The following CTNND2 variants were observed in gnomAD, a reference collection of about 807,000 sequenced individuals.
CTNND2 encodes the protein catenin delta-2.
CTNND2 carries 22 observed loss-of-function variants against 144.4 expected under a neutral mutation model. That is an observed-to-expected ratio of 0.15 (90% CI 0.11 to 0.22). The LOEUF is 0.22. Ranked by LOEUF, CTNND2 falls within the 10% of genes least tolerant of loss-of-function variation. The pLI, the probability that CTNND2 is intolerant of heterozygous loss-of-function variation, is 1.00. For synonymous variants in CTNND2, 751 were observed against 695.6 expected (o/e 1.08, Z -1.25); for missense variants, 1,353 against 1,618.8 (o/e 0.84, Z 2.82).
intron 3 of CTNND2, among the ~76,000 whole-genome samples, chr5:11,521,907 C>T (rs1458371977): frequency 1.3e-5 from 2 of 152,152 alleles, no homozygotes; most frequent in Admixed American, 1.3e-4. Context: ...AATTTATAAC[C>T]TCTCCTTTCT....
chr5:11,649,874 CATT>C (rs1202485285), intron 2 of CTNND2, among the ~76,000 whole-genome samples: 4 of 152,096 alleles, frequency 2.6e-5, no homozygotes, highest in Admixed American at 6.6e-5. Context: ...ATGACTTTGG[CATT>C]ATTATTATTT....
At chr5:11,453,778 C>CT (rs201563165) in intron 3 of CTNND2, among the ~76,000 whole-genome samples, 1,993 of 149,180 alleles carry the variant, frequency 0.013, 40 homozygotes, top group African/African-American at 0.044. Flanking sequence ...ACATGAATCT[C>CT]TTTTTTTTTT....
chr5:11,448,918 G>A (rs1336190287), intron 3 of CTNND2, among the ~76,000 whole-genome samples: 4 of 151,668 alleles, frequency 2.6e-5, no homozygotes, highest in African/African-American at 9.7e-5. Flanking sequence ...GTCCAGGCTC[G>A]TCTTGAATTC....
chr5:10,994,916 G>A (rs1295892610), intron 18 of CTNND2, among the ~76,000 whole-genome samples: 1 of 152,128 alleles, frequency 6.6e-6, no homozygotes, highest in Non-Finnish European at 1.5e-5. Flanking sequence ...CATGGCTATT[G>A]GTGTGGGAAA....
At chr5:11,049,167 G>A (rs1388908064) in intron 16 of CTNND2, among the ~76,000 whole-genome samples, 2 of 152,144 alleles carry the variant, frequency 1.3e-5, no homozygotes, top group Non-Finnish European at 2.9e-5. Context: ...GCATTTCAAG[G>A]AGCTAAAGGG....
chr5:11,234,151 G>A (rs1354914326), intron 10 of CTNND2, among the ~76,000 whole-genome samples: 1 of 151,910 alleles, frequency 6.6e-6, no homozygotes, highest in Non-Finnish European at 1.5e-5. Flanking sequence ...ATAAACAGAA[G>A]CACACATATG....
intron 16 of CTNND2, among the ~76,000 whole-genome samples, chr5:11,028,425 T>C (rs567895990): frequency 1.1e-4 from 16 of 152,324 alleles, no homozygotes; most frequent in Non-Finnish European, 1.3e-4. Flanking sequence ...TTTAAGTATA[T>C]AGTTCATTGA....
chr5:11,741,545 A>G (rs1788007185), intron 1 of CTNND2, among the ~76,000 whole-genome samples: 2 of 151,890 alleles, frequency 1.3e-5, no homozygotes, highest in African/African-American at 4.8e-5. Flanking sequence ...AGGGCTGGGA[A>G]CATCAACACA....
At chr5:11,608,175 G>T (rs1780152248) in intron 2 of CTNND2, among the ~76,000 whole-genome samples, 2 of 152,256 alleles carry the variant, frequency 1.3e-5, no homozygotes, top group African/African-American at 4.8e-5. Flanking sequence ...GAAACACTAT[G>T]ATTCATAGAA....
intron 8 of CTNND2, among the ~76,000 whole-genome samples, chr5:11,356,122 C>T (rs1755844004): frequency 1.3e-5 from 2 of 152,142 alleles, no homozygotes; most frequent in East Asian, 1.9e-4. Context: ...CCACACTACA[C>T]AAAGTGATCT....
intron 1 of CTNND2, among the ~76,000 whole-genome samples, chr5:11,796,147 G>A (rs1791388656): frequency 6.6e-6 from 1 of 152,168 alleles, no homozygotes; most frequent in African/African-American, 2.4e-5. Context: ...ATTCTATGTG[G>A]CCCGAGAGGA....
intron 8 of CTNND2, among the ~76,000 whole-genome samples, chr5:11,357,915 G>GGAA (rs1414175542): frequency 6.6e-6 from 1 of 152,064 alleles, no homozygotes; most frequent in Non-Finnish European, 1.5e-5. Context: ...GTCTGGTGTT[G>GGAA]AGGGCAGAAT....
Position 10,988,989 on chromosome 5 carries a change from C to T in CTNND2, c.3212-747G>A, listed in dbSNP as rs1209384731. Among the ~76,000 whole-genome samples the T allele has an allele frequency of 1.3e-5, 2 of 152,224 alleles. No homozygotes were observed. Among genetic ancestry groups the T allele is most frequent in the Non-Finnish European group, 2.9e-5 (2 of 68,042 alleles). ...AGGCTGAGCCCTGCCGTTCCTCTTA[C>T]ACCCATTTCTAAAGTGCTGGGTTGT... On this transcript the variant is annotated intron_variant, in intron 19 of 21. Transcript: ENST00000304623. This position sits in a 1 kb window ranked among gnomAD's most constrained non-coding sequence, Gnocchi z 5.9.
intron 2 of CTNND2, among the ~76,000 whole-genome samples, chr5:11,644,839 AT>A (rs1295209583): frequency 6.6e-6 from 1 of 152,218 alleles, no homozygotes; most frequent in Non-Finnish European, 1.5e-5. Flanking sequence ...AACTATGAAA[AT>A]AAACCTATTT....
chr5:11,771,833 G>A (rs1789959645), intron 1 of CTNND2, among the ~76,000 whole-genome samples: 1 of 148,010 alleles, frequency 6.8e-6, no homozygotes, highest in Non-Finnish European at 1.5e-5. Context: ...AAATTATTTG[G>A]GTTAGGATCA....
intron 12 of CTNND2, among the ~76,000 whole-genome samples, chr5:11,127,069 G>A (rs1472090854): frequency 6.6e-6 from 1 of 152,214 alleles, no homozygotes; most frequent in Non-Finnish European, 1.5e-5. Flanking sequence ...CTCCAACCAA[G>A]GACAGGACCT....
chr5:11,785,139 T>C (rs1790760401), intron 1 of CTNND2, among the ~76,000 whole-genome samples: 2 of 152,228 alleles, frequency 1.3e-5, no homozygotes, highest in South Asian at 4.1e-4. Context: ...CACAGGCTTT[T>C]TCCTCACATC....
In CTNND2 at chr5:11,346,881, A is replaced by G. The variant is rs11748096; in HGVS notation, c.1373-254T>C. 0.28 allele frequency among the ~76,000 whole-genome samples: 42,656 copies of G among 152,166 alleles called. 6,267 individuals are homozygous for G. Among genetic ancestry groups the G allele is most frequent in the Non-Finnish European group, 0.34 (22,787 of 67,988 alleles). On this transcript the variant is annotated intron_variant, in intron 8 of 21. Coordinates refer to ENST00000304623, the MANE Select transcript of CTNND2 (RefSeq NM_001332.4). ...TGTTGTGTGTATATCGCTTACCTAC[A>G]TCCAACAGAAGGTGTGTTCAGCTGC...
At chr5:11,680,392 G>A (rs970755304) in intron 2 of CTNND2, among the ~76,000 whole-genome samples, 5 of 152,128 alleles carry the variant, frequency 3.3e-5, no homozygotes, top group Non-Finnish European at 7.3e-5. Flanking sequence ...CACAACTGTG[G>A]TGGTAGGAGT....
Sources: gnomAD v4.1 joint callset for allele counts (sites outside exome capture counted in the v4.1 genomes callset) on GRCh38, gnomAD v4.1.1 for gene constraint, Gnocchi (gnomAD v3.1) non-coding constraint, MANE v1.5 for transcripts, NCBI Gene and HGNC (gene_info 2026-07-23, HGNC 2026-07-21) for gene names.